Variants in MID1 observed in about 807,000 individuals in gnomAD.
MID1 encodes the protein midline 1.
Under a neutral mutation model 40.4 loss-of-function variants are expected in MID1, and 7 were observed. The observed-to-expected ratio is 0.17, with a 90% CI of 0.10 to 0.33. The LOEUF is 0.33. Ranked by LOEUF, MID1 falls within the 10% of genes least tolerant of loss-of-function variation. MID1 has a pLI of 1.00. For synonymous variants in MID1, 229 were observed against 221.2 expected, an observed-to-expected ratio of 1.04 and a Z score of -0.31; for missense variants, 367 against 558.5, an observed-to-expected ratio of 0.66 and a Z score of 3.46.
At chrX:10,542,532 G>A (rs1933512499) in intron 2 of MID1, among the ~76,000 whole-genome samples, 1 of 112,005 alleles carries the variant, frequency 8.9e-6, no homozygotes, top group Non-Finnish European at 1.9e-5. Context: ...GAAAAAAGGG[G>A]TGGACTTGAA....
At chrX:10,576,659 G>T (rs1372592600) in intron 1 of MID1, 1 of 111,361 alleles carries the variant, frequency 9.0e-6, no homozygotes, top group East Asian at 2.8e-4. Context: ...AGCAGTTTCA[G>T]AAATCCAATT....
At chrX:10,754,286 A>G (rs1325491237) in intron 1 of MID1, among the ~76,000 whole-genome samples, 1 of 110,801 alleles carries the variant, frequency 9.0e-6, no homozygotes, top group Non-Finnish European at 1.9e-5. Context: ...ATTAGAAAAG[A>G]ATAGACAAGA....
intron 2 of MID1, among the ~76,000 whole-genome samples, chrX:10,533,472 TAA>T (rs201138973): frequency 1.1e-5 from 1 of 91,425 alleles, no homozygotes; most frequent in South Asian, 5.6e-4. Context: ...ATGTGGATGG[TAA>T]AAAAAAAAAA....
chrX:10,782,736 C>T (rs934468708), intron 1 of MID1, among the ~76,000 whole-genome samples: 5 of 112,061 alleles, frequency 4.5e-5, no homozygotes, highest in African/African-American at 1.3e-4. Context: ...ATTTTTTATA[C>T]TTTTTCTAGT....
chrX:10,519,982 C>CTGAT (rs1192683139), intron 3 of MID1, among the ~76,000 whole-genome samples: 1 of 112,224 alleles, frequency 8.9e-6, no homozygotes, highest in Non-Finnish European at 1.9e-5. Context: ...TGCTTTTACA[C>CTGAT]TGATAGGATC....
chrX:10,687,758 G>T (rs1306086122), intron 1 of MID1, among the ~76,000 whole-genome samples: 2 of 112,052 alleles, frequency 1.8e-5, no homozygotes, highest in Non-Finnish European at 3.8e-5. Context: ...CTGTCACCCA[G>T]TCTGGAGTGC....
At chrX:10,719,911 C>G (rs1436863822) in intron 1 of MID1, among the ~76,000 whole-genome samples, 28 of 111,403 alleles carry the variant, frequency 2.5e-4, no homozygotes, top group Admixed American at 2.1e-3. Flanking sequence ...ACAACTATCT[C>G]ATCTTTGACA....
At chrX:10,524,839 A>T (rs1932800432) in intron 2 of MID1, among the ~76,000 whole-genome samples, 1 of 112,053 alleles carries the variant, frequency 8.9e-6, no homozygotes, top group Non-Finnish European at 1.9e-5. Context: ...AACAGTGGAA[A>T]CTTCTTGGAA....
At chrX:10,491,569 G>A (rs1432699424) in intron 4 of MID1, among the ~76,000 whole-genome samples, 1 of 110,659 alleles carries the variant, frequency 9.0e-6, no homozygotes, top group Non-Finnish European at 1.9e-5. Flanking sequence ...AAGAATTAAA[G>A]CCTGTAAGTT....
In MID1 at chrX:10,718,650, C is replaced by T. The variant is rs189971299; in HGVS notation, c.-186-98231G>A. On this transcript the variant is annotated intron_variant, in intron 1 of 10. Transcript: ENST00000380785. ...GGAGCTAGTACCATTCCTTTTGAAACGATTCCAATCAATAGAAAAAGAGGG... is the reference window on the plus strand; with the variant it reads ...GGAGCTAGTACCATTCCTTTTGAAATGATTCCAATCAATAGAAAAAGAGGG... 6.5e-3 allele frequency among the ~76,000 whole-genome samples: 721 copies of T among 111,601 alleles called. 4 individuals are homozygous for T. Among genetic ancestry groups the T allele is most frequent in the Non-Finnish European group, 8.3e-3 (443 of 53,118 alleles).
chrX:10,566,579 G>C (rs754594105), intron 2 of MID1, among the ~76,000 whole-genome samples: 1 of 100,463 alleles, frequency 1.0e-5, no homozygotes, highest in Non-Finnish European at 2.0e-5. Flanking sequence ...CTCAGAGAGA[G>C]GCAGCACTCT....
intron 2 of MID1, among the ~76,000 whole-genome samples, chrX:10,548,597 T>C (rs1156749299): frequency 8.9e-6 from 1 of 112,082 alleles, no homozygotes; most frequent in East Asian, 2.8e-4. Flanking sequence ...AATTGCCAAA[T>C]AGAGATAAAT....
At chrX:10,741,436 C>T (rs2043522733) in intron 1 of MID1, among the ~76,000 whole-genome samples, 1 of 106,789 alleles carries the variant, frequency 9.4e-6, no homozygotes, top group South Asian at 4.1e-4. Context: ...CAACACAGGA[C>T]GAGGGCATGC....
At chrX:10,517,562 C>T (rs765499067) in intron 3 of MID1, among the ~76,000 whole-genome samples, 3 of 112,627 alleles carry the variant, frequency 2.7e-5, no homozygotes, top group Non-Finnish European at 5.6e-5. Context: ...TGAACCCTCA[C>T]TAAACCTTCA....
chrX:10,666,605 A>G (rs897607709), intron 1 of MID1, among the ~76,000 whole-genome samples: 30 of 111,472 alleles, frequency 2.7e-4, no homozygotes, highest in African/African-American at 9.8e-4. Context: ...TGGCCATTCA[A>G]ATGATTTCAA....
At chrX:10,758,710 G>C (rs1371728220) in intron 1 of MID1, among the ~76,000 whole-genome samples, 1 of 108,302 alleles carries the variant, frequency 9.2e-6, no homozygotes, top group South Asian at 4.1e-4. Context: ...AGATGGTCTC[G>C]ATCTCCTGAC....
intron 1 of MID1, among the ~76,000 whole-genome samples, chrX:10,701,933 A>G (rs936563473): frequency 1.1e-4 from 12 of 112,959 alleles, no homozygotes; most frequent in Admixed American, 1.0e-3. Context: ...ATTGACCACA[A>G]GAAATATTCT....
In MID1 at chrX:10,448,255, T is replaced by C. The variant is rs899119288; in HGVS notation, c.*1113A>G. ...ATCTAGCAAATAGTACTTTATACAA[T>C]GTCCCTTGTCATTACCAACTCATAA... On this transcript the variant is annotated 3_prime_UTR_variant, in exon 10 of 10. Coordinates refer to ENST00000317552, the MANE Select transcript of MID1 (RefSeq NM_000381.4). 9.0e-6 allele frequency: 1 copy of C among 111,449 alleles called. No individual in the cohort carries two copies. Among genetic ancestry groups the C allele is most frequent in the Non-Finnish European group, 1.9e-5 (1 of 53,148 alleles). 9.2% of individuals were successfully genotyped at this position (111,449 alleles called of 1,213,427 possible). A position where few individuals can be genotyped will look rare whatever the true frequency, so the allele number is the denominator to read the frequency against.
chrX:10,553,264 T>A (rs867905159), intron 2 of MID1, among the ~76,000 whole-genome samples: 8 of 104,304 alleles, frequency 7.7e-5, no homozygotes, highest in South Asian at 4.0e-4. Context: ...AAAAAAGAAA[T>A]AAAAAAAATA....
Sources: allele counts gnomAD v4.1 joint callset (sites outside exome capture counted in the v4.1 genomes callset), GRCh38; gene constraint gnomAD v4.1.1; transcripts MANE v1.5; gene names NCBI Gene and HGNC (gene_info 2026-07-23, HGNC 2026-07-21).